Variants in DAB1 observed in about 807,000 individuals in gnomAD.
DAB1 encodes disabled homolog 1.
DAB1 carries 15 observed loss-of-function variants against 64.6 expected under a neutral mutation model. The ratio of observed to expected loss-of-function variants is 0.23; its 90% CI spans 0.16 to 0.36. The LOEUF (loss-of-function observed/expected upper bound fraction) is 0.36. Among genes scored for constraint, DAB1 ranks in the 10% least tolerant of loss-of-function variants. The probability of loss-of-function intolerance (pLI) is 1.00; values close to 1 mark genes in which losing one functional copy is unlikely to be tolerated. For missense variants in DAB1, 596 were observed against 706.7 expected, an observed-to-expected ratio of 0.84 and a Z score of 1.78; for synonymous variants, 235 against 251.9, an observed-to-expected ratio of 0.93 and a Z score of 0.64.
At chr1:58,255,057 C>A (rs1321560021) in intron 4 of DAB1, among the ~76,000 whole-genome samples, 2 of 108,928 alleles carry the variant, frequency 1.8e-5, no homozygotes, top group Non-Finnish European at 3.6e-5. Flanking sequence ...TCCTCTCCAG[C>A]ACCTGTTGTT....
intron 9 of DAB1, among the ~76,000 whole-genome samples, chr1:57,036,032 G>A (rs1362565562): frequency 6.6e-6 from 1 of 151,600 alleles, no homozygotes; most frequent in South Asian, 2.1e-4. Context: ...TAGTAGAGAC[G>A]GGGTTTTGCC....
At chr1:58,205,906 A>AACT (rs1658250916) in intron 4 of DAB1, among the ~76,000 whole-genome samples, 2 of 152,198 alleles carry the variant, frequency 1.3e-5, no homozygotes, top group African/African-American at 4.8e-5. Context: ...CAGTTAGTCA[A>AACT]TGCCAAGTTC....
intron 7 of DAB1, among the ~76,000 whole-genome samples, chr1:57,618,410 CAAAAAAA>C (rs11284763): frequency 1.7e-5 from 2 of 119,830 alleles, no homozygotes; most frequent in Non-Finnish European, 1.7e-5. Flanking sequence ...GTGAGACTGT[CAAAAAAA>C]AAAAAAAAAA....
chr1:57,234,117 A>T (rs1396597092), intron 2 of DAB1, among the ~76,000 whole-genome samples: 1 of 152,216 alleles, frequency 6.6e-6, no homozygotes, highest in Admixed American at 6.5e-5. Flanking sequence ...AGAACCAGGT[A>T]CTATTGCTTG....
chr1:57,534,654 T>C (rs1644704364), intron 7 of DAB1, among the ~76,000 whole-genome samples: 1 of 152,204 alleles, frequency 6.6e-6, no homozygotes, highest in Non-Finnish European at 1.5e-5. Flanking sequence ...ACAGGAGTCC[T>C]GTCGTGTTCC....
At chr1:57,814,717 C>G (rs1651772609) in intron 6 of DAB1, among the ~76,000 whole-genome samples, 1 of 152,188 alleles carries the variant, frequency 6.6e-6, no homozygotes, top group Non-Finnish European at 1.5e-5. Flanking sequence ...AGATTTGAAT[C>G]TGAGTTGGAA....
At chr1:57,859,029 G>C (rs752156312) in intron 1 of DAB1, among the ~76,000 whole-genome samples, 5 of 152,090 alleles carry the variant, frequency 3.3e-5, no homozygotes, top group Admixed American at 6.6e-5. Flanking sequence ...CACTTCTGCA[G>C]GGGGTTGTCG....
chr1:58,387,215 A>T (rs1374304625), intron 3 of DAB1, among the ~76,000 whole-genome samples: 1 of 152,266 alleles, frequency 6.6e-6, no homozygotes. Flanking sequence ...CATCCACTGC[A>T]GAGGCCAAGG....
intron 7 of DAB1, among the ~76,000 whole-genome samples, chr1:57,639,382 C>A (rs1233348200): frequency 1.4e-5 from 2 of 147,976 alleles, no homozygotes; most frequent in Non-Finnish European, 2.9e-5. Flanking sequence ...TAGTAAATAA[C>A]TTTATAAAGT....
intron 4 of DAB1, among the ~76,000 whole-genome samples, chr1:58,323,984 A>G (rs1662759880): frequency 6.6e-6 from 1 of 152,168 alleles, no homozygotes; most frequent in South Asian, 2.1e-4. Context: ...CAATTAAAAA[A>G]AAATTAAAAA....
chr1:58,053,144 T>G lies in DAB1; in HGVS notation n.387+97367A>C, dbSNP rs557493742. 2.0e-5 allele frequency among the ~76,000 whole-genome samples: 3 copies of G among 152,346 alleles called. No homozygotes were observed. The East Asian group carries it at 5.8e-4, about 29-fold the overall frequency. On this transcript the variant is annotated intron_variant and non_coding_transcript_variant, in intron 5 of 20. Coordinates refer to the DAB1 transcript ENST00000485760. ...ACCCCCATGGCCCAAACATCTCCCA[T>G]TACCCAATTCTAAAGCCGCTTTCAC...
At chr1:57,083,642 A>G (rs1430941427) in intron 4 of DAB1, among the ~76,000 whole-genome samples, 1 of 152,192 alleles carries the variant, frequency 6.6e-6, no homozygotes, top group Non-Finnish European at 1.5e-5. Context: ...AGAAACTTAC[A>G]AAAAAGTGAA....
intron 2 of DAB1, among the ~76,000 whole-genome samples, chr1:57,273,545 G>GCCTT (rs1558066666): frequency 1.9e-3 from 133 of 71,672 alleles, no homozygotes; most frequent in South Asian, 3.1e-3. Context: ...CTGCCTGCCT[G>GCCTT]CCTGCCTGCC....
chr1:57,618,486 G>A (rs905177735), intron 7 of DAB1, among the ~76,000 whole-genome samples: 4 of 151,110 alleles, frequency 2.6e-5, no homozygotes, highest in African/African-American at 9.7e-5. Context: ...AAGTGTGTCA[G>A]TAAGTGAGAA....
intron 2 of DAB1, among the ~76,000 whole-genome samples, chr1:57,171,670 A>T (rs7556288): frequency 6.6e-6 from 1 of 152,150 alleles, no homozygotes; most frequent in African/African-American, 2.4e-5. Context: ...TACATATTAC[A>T]TATCATAGGA....
At chr1:58,096,316 A>G (rs767419257) in intron 5 of DAB1, among the ~76,000 whole-genome samples, 1 of 152,172 alleles carries the variant, frequency 6.6e-6, no homozygotes, top group East Asian at 1.9e-4. Context: ...AATGTGTTTC[A>G]AACCAAGAAA....
intron 2 of DAB1, among the ~76,000 whole-genome samples, chr1:57,265,231 T>A (rs1219284644): frequency 6.6e-6 from 1 of 152,180 alleles, no homozygotes; most frequent in African/African-American, 2.4e-5. Flanking sequence ...CCTTCTCTCT[T>A]CTGGTGAGTC....
chr1:58,446,162 G>T (rs1645064079), intron 3 of DAB1, among the ~76,000 whole-genome samples: 1 of 152,098 alleles, frequency 6.6e-6, no homozygotes, highest in Admixed American at 6.5e-5. Flanking sequence ...TAATAAAAAA[G>T]AAATTAATTG....
chr1:57,748,729 C>T (rs1274386803), intron 6 of DAB1, among the ~76,000 whole-genome samples: 3 of 151,980 alleles, frequency 2.0e-5, no homozygotes, highest in Non-Finnish European at 4.4e-5. Flanking sequence ...ATTTAAAGGA[C>T]TACTGTGTGG....
Sources: gnomAD v4.1 joint callset for allele counts (sites outside exome capture counted in the v4.1 genomes callset) on GRCh38, gnomAD v4.1.1 for gene constraint, MANE v1.5 for transcripts, NCBI Gene and HGNC (gene_info 2026-07-23, HGNC 2026-07-21) for gene names.